The following OR1J1 variants were observed in gnomAD, a reference collection of about 807,000 sequenced individuals.
The protein encoded by OR1J1 is olfactory receptor 1J1.
For missense variants in OR1J1, 392 were observed against 393.9 expected (o/e 1.00, Z 0.04); for synonymous variants, 165 against 157.2 (o/e 1.05, Z -0.37).
rs1376586458 is a variant in OR1J1, at chr9:122,477,912, G to T, written c.15C>A (p.Asn5Lys). ...GGAGGAACTCGGACACGCTGCTCTG[G>T]TTCTCAGGGCTCATGTTTATATCAG... is the stretch of plus-strand genomic sequence containing the variant. MSPE[N>K]QSSVSEFLLL... The change falls in exon 1 of 1, where the codon AAC becomes AAA. Residue 5 changes from asparagine to lysine, a missense_variant. By Grantham distance (94) the Asn-to-Lys change is moderately conservative (BLOSUM62 0). Coordinates refer to ENST00000259357, the MANE Select transcript of OR1J1 (RefSeq NM_001004451.1). 3 of 1,600,250 alleles carry T rather than the reference G, an allele frequency of 1.9e-6. No individual in the cohort carries two copies. The highest frequency in any genetic ancestry group is 8.5e-7 in the Non-Finnish European group (1 of 1,171,470).
At position 122,477,233 on chromosome 9, in the gene OR1J1, TG is replaced by T. The variant is rs763137461; in HGVS notation, c.693del (p.Lys232ArgfsTer17). 21 of 1,613,792 alleles carry T rather than the reference TG, an allele frequency of 1.3e-5. No individual in the cohort carries two copies. The East Asian group carries it at 4.7e-4, about 36-fold the overall frequency. On this transcript the variant is annotated frameshift_variant, in exon 1 of 1. Transcript: ENST00000259357. LOFTEE classifies it low-confidence loss of function (END_TRUNC). ...GTGGACAAGGCTTTGCATATGCCCT[TG>T]GTAGAGGGAATCTGGAGGATGGTGA... ...IGVTILQIPS[T>X]KGICKALSTC...
chr9:122,477,304 A>G lies in OR1J1; in HGVS notation c.623T>C (p.Met208Thr). The G allele has an allele frequency of 6.2e-7, 1 of 1,614,232 alleles. No individual in the cohort carries two copies. Among genetic ancestry groups the G allele is most frequent in the Non-Finnish European group, 8.5e-7 (1 of 1,180,024 alleles). ...AACCAGGATGCACAGGAATGGAAGC[A>G]TAATGGCTGTCAATGCTGCTGTAAA... ...AIFTAALTAI[M>T]LPFLCILVSY... Residue 208 changes from methionine to threonine, a missense_variant, in exon 1 of 1, where the codon ATG becomes ACG. Met to Thr is a moderately conservative substitution (Grantham distance 81, BLOSUM62 -1). Coordinates refer to ENST00000259357, the MANE Select transcript of OR1J1 (RefSeq NM_001004451.1).
In OR1J1 at chr9:122,477,629, G is replaced by T. The variant is rs776392346; in HGVS notation, c.298C>A (p.Gln100Lys). Reference sequence around the variant, plus strand: ...GCAAAAAATATGAAAAAATATGTCTGTGAAATGCATCCCTTGTAAAAGACG... The same window carrying T: ...GCAAAAAATATGAAAAAATATGTCTTTGAAATGCATCCCTTGTAAAAGACG... Reference protein sequence around the residue: ...LAVFYKGCISQTYFFIFFADL... With the variant: ...LAVFYKGCISKTYFFIFFADL... Residue 100 changes from glutamine (Q) to lysine (K), a missense_variant, in exon 1 of 1, where the codon CAG becomes AAG. By Grantham distance (53) the Gln-to-Lys change is moderately conservative. Transcript: ENST00000259357. The T allele has an allele frequency of 1.9e-6, 3 of 1,614,110 alleles. No homozygotes were observed. Among genetic ancestry groups the T allele is most frequent in the Admixed American group, 1.7e-5 (1 of 60,012 alleles).
chr9:122,477,748 T>G lies in OR1J1; in HGVS notation c.179A>C (p.Tyr60Ser). 1 of 1,614,006 alleles carries G rather than the reference T, an allele frequency of 6.2e-7. No individual in the cohort carries two copies. Among genetic ancestry groups the G allele is most frequent in the Non-Finnish European group, 8.5e-7 (1 of 1,180,012 alleles). Residue 60 changes from tyrosine (Y) to serine (S), a missense_variant, in exon 1 of 1, where the codon TAC becomes TCC. Coordinates refer to ENST00000259357, the MANE Select transcript of OR1J1 (RefSeq NM_001004451.1). ...GAGGGCCAAGTGGCTAAGGAAGAAG[T>G]ACATGGGGGTGTGAAGGTGAGAGTC... ...QLDSHLHTPMYFFLSHLALTD... is the reference protein window; with the variant it reads ...QLDSHLHTPMSFFLSHLALTD...
rs1839582584 is a variant in OR1J1, at chr9:122,477,425, A to G, written c.502T>C (p.Phe168Leu). Residue 168 changes from phenylalanine to leucine, a missense_variant, in exon 1 of 1, where the codon TTC becomes CTC. Phe to Leu is a conservative substitution (Grantham distance 22). Coordinates refer to ENST00000259357, the MANE Select transcript of OR1J1 (RefSeq NM_001004451.1). Reference sequence around the variant, plus strand: ...TGAGGGATGATGTGGTCAGCACAGAAGGAAAGCTGGGCCAGGAGGAGGGTA... The same window carrying G: ...TGAGGGATGATGTGGTCAGCACAGAGGGAAAGCTGGGCCAGGAGGAGGGTA... ...LHTLLLAQLSFCADHIIPHYF... is the reference protein window; with the variant it reads ...LHTLLLAQLSLCADHIIPHYF... 1.4e-5 allele frequency: 22 copies of G among 1,614,066 alleles called. No homozygotes were observed. Among genetic ancestry groups the G allele is most frequent in the Non-Finnish European group, 1.9e-5 (22 of 1,179,978 alleles).
At position 122,477,608 on chromosome 9, in the gene OR1J1, A is replaced by G. The variant is rs137943647; in HGVS notation, c.319T>C (p.Phe107Leu). The change falls in exon 1 of 1, where the codon TTT becomes CTT. Residue 107 changes from phenylalanine (F) to leucine (L), a missense_variant. Coordinates refer to ENST00000259357, the MANE Select transcript of OR1J1 (RefSeq NM_001004451.1). ...ATAAGGAAACTGTCTAAGTCAGCAA[A>G]AAATATGAAAAAATATGTCTGTGAA... Reference protein sequence around the residue: ...CISQTYFFIFFADLDSFLITS... With the variant: ...CISQTYFFIFLADLDSFLITS... 60 of 1,614,134 alleles carry G rather than the reference A, an allele frequency of 3.7e-5. No homozygotes were observed. The highest frequency in any genetic ancestry group is 1.6e-4 in the Middle Eastern group (1 of 6,084).
In OR1J1 at chr9:122,477,243, A is replaced by C; in HGVS notation, c.684T>G (p.Ile228Met). 6.2e-7 allele frequency: 1 copy of C among 1,614,132 alleles called. No homozygotes were observed. The highest frequency in any genetic ancestry group is 8.5e-7 in the Non-Finnish European group (1 of 1,179,964). ...CTTTGCATATGCCCTTGGTAGAGGG[A>C]ATCTGGAGGATGGTGACCCCAATGT... is the stretch of plus-strand genomic sequence containing the variant. ...YGHIGVTILQ[I>M]PSTKGICKAL... The change falls in exon 1 of 1, where the codon ATT becomes ATG. Residue 228 changes from isoleucine (I) to methionine (M), a missense_variant. Physicochemically the swap from Ile to Met is conservative, Grantham distance 10 (BLOSUM62 1). Coordinates refer to ENST00000259357, the MANE Select transcript of OR1J1 (RefSeq NM_001004451.1).
In OR1J1 at chr9:122,477,906, G is replaced by T. The variant is rs781369287; in HGVS notation, c.21C>A (p.Ser7Arg). 8.1e-6 allele frequency: 13 copies of T among 1,603,390 alleles called. No individual in the cohort carries two copies. The highest frequency in any genetic ancestry group is 1.1e-5 in the South Asian group (1 of 90,008). The change falls in exon 1 of 1, where the codon AGC becomes AGA. Residue 7 changes from serine to arginine, a missense_variant. Coordinates refer to ENST00000259357, the MANE Select transcript of OR1J1 (RefSeq NM_001004451.1). ...CCAGGAGGAGGAACTCGGACACGCT[G>T]CTCTGGTTCTCAGGGCTCATGTTTA... The part of the protein sequence containing the change: MSPENQ[S>R]SVSEFLLLGL...
In OR1J1 at chr9:122,477,771, G is replaced by A. The variant is rs1178117380; in HGVS notation, c.156C>T (p.Asp52=). Residue 52 remains aspartate, a synonymous_variant, in exon 1 of 1, where the codon GAC becomes GAT. Coordinates refer to ENST00000259357, the MANE Select transcript of OR1J1 (RefSeq NM_001004451.1). The part of the protein sequence containing the change: ...NLLIMLLIQL[D]SHLHTPMYFF... ...AGTACATGGGGGTGTGAAGGTGAGAGTCTAGCTGGATGAGCAGCATGATGA... is the reference window on the plus strand; with the variant it reads ...AGTACATGGGGGTGTGAAGGTGAGAATCTAGCTGGATGAGCAGCATGATGA... 12 of 1,613,976 alleles carry A rather than the reference G, an allele frequency of 7.4e-6. No homozygotes were observed. The highest frequency in any genetic ancestry group is 1.0e-5 in the Non-Finnish European group (12 of 1,180,046).
In OR1J1 at chr9:122,477,850, A is replaced by C. The variant is rs1484992048; in HGVS notation, c.77T>G (p.Val26Gly). Residue 26 changes from valine to glycine, a missense_variant, in exon 1 of 1, where the codon GTG becomes GGG. By Grantham distance (109) the Val-to-Gly change is moderately radical (BLOSUM62 -3). Transcript: ENST00000259357. ...GLPIRPEQQA[V>G]FFALFLGMYL... ...CATGCCCAGGAACAGGGCGAAGAAC[A>C]CGGCCTGCTGCTCTGGCCGGATGGG... The C allele has an allele frequency of 3.1e-6, 5 of 1,613,946 alleles. No homozygotes were observed. In the African/African-American group the frequency reaches 6.7e-5, roughly 22 times the overall value.
chr9:122,477,088 G>A lies in OR1J1; in HGVS notation c.839C>T (p.Ala280Val), dbSNP rs370823912. The A allele has an allele frequency of 3.4e-5, 55 of 1,613,198 alleles. No homozygotes were observed. The highest frequency in any genetic ancestry group is 4.5e-5 in the Non-Finnish European group (53 of 1,179,240). The change falls in exon 1 of 1, where the codon GCA becomes GTA. Residue 280 changes from alanine to valine, a missense_variant. Physicochemically the swap from Ala to Val is moderately conservative, Grantham distance 64 (BLOSUM62 0). Transcript: ENST00000259357. ...KNIIASVIYTAVTPMLNPFIY... is the reference protein window; with the variant it reads ...KNIIASVIYTVVTPMLNPFIY... ...GAATGGGTTCAACATGGGAGTGACTGCTGTGTATATCACTGAAGCAATTAT... is the reference window on the plus strand; with the variant it reads ...GAATGGGTTCAACATGGGAGTGACTACTGTGTATATCACTGAAGCAATTAT...
Position 122,477,591 on chromosome 9 carries a change from ACTGT to A in OR1J1, c.332_335del (p.Asp111ValfsTer25), listed in dbSNP as rs774406614. ...CATATGCCATTGAAGTGATAAGGAA[ACTGT>A]CTAAGTCAGCAAAAAATATGAAAAA... On this transcript the variant is annotated frameshift_variant, in exon 1 of 1. Coordinates refer to ENST00000259357, the MANE Select transcript of OR1J1 (RefSeq NM_001004451.1). LOFTEE classifies it low-confidence loss of function (END_TRUNC). 61 of 1,614,044 alleles carry A rather than the reference ACTGT, an allele frequency of 3.8e-5. No homozygotes were observed. Among genetic ancestry groups the A allele is most frequent in the African/African-American group, 5.3e-5 (4 of 74,924 alleles).
rs781618403 is a variant in OR1J1, at chr9:122,477,525, G to A, written c.402C>T (p.Thr134=). Residue 134 remains threonine (T), a synonymous_variant, in exon 1 of 1, where the codon ACC becomes ACT. Transcript: ENST00000259357. Reference sequence around the variant, plus strand: ...TGACACACTGGCTCTGAGTCATGATGGTGGCATAATGTAGAGGATGACAGA... The same window carrying A: ...TGACACACTGGCTCTGAGTCATGATAGTGGCATAATGTAGAGGATGACAGA... ...VAICHPLHYA[T]IMTQSQCVML... 3.7e-6 allele frequency: 6 copies of A among 1,613,986 alleles called. No homozygotes were observed. The highest frequency in any genetic ancestry group is 5.1e-6 in the Non-Finnish European group (6 of 1,180,022).
chr9:122,477,826 A>G lies in OR1J1; in HGVS notation c.101T>C (p.Met34Thr), dbSNP rs200472024. The G allele has an allele frequency of 1.5e-4, 246 of 1,614,072 alleles. No homozygotes were observed. The highest frequency in any genetic ancestry group is 2.0e-4 in the Non-Finnish European group (234 of 1,180,024). The change falls in exon 1 of 1, where the codon ATG becomes ACG. Residue 34 changes from methionine to threonine, a missense_variant. Transcript: ENST00000259357. ...GTTCCCCAGCACCGTGGTCAGGTAC[A>G]TGCCCAGGAACAGGGCGAAGAACAC... ...QAVFFALFLG[M>T]YLTTVLGNLL... is the part of the protein sequence containing the mutation.
Position 122,477,659 on chromosome 9 carries a change from G to C in OR1J1, c.268C>G (p.Leu90Val). Residue 90 changes from leucine to valine, a missense_variant, in exon 1 of 1, where the codon CTA becomes GTA. Leu to Val is a conservative substitution (Grantham distance 32). Coordinates refer to ENST00000259357, the MANE Select transcript of OR1J1 (RefSeq NM_001004451.1). ...ATGCATCCCTTGTAAAAGACGGCTAGGTGCTGAGTCTGCATGTTCATCAGC... is the reference window on the plus strand; with the variant it reads ...ATGCATCCCTTGTAAAAGACGGCTACGTGCTGAGTCTGCATGTTCATCAGC... ...KMLMNMQTQH[L>V]AVFYKGCISQ... is the part of the protein sequence containing the mutation. 1 of 1,614,242 alleles carries C rather than the reference G, an allele frequency of 6.2e-7. No individual in the cohort carries two copies. Among genetic ancestry groups the C allele is most frequent in the Non-Finnish European group, 8.5e-7 (1 of 1,180,050 alleles).
chr9:122,477,802 T>A lies in OR1J1; in HGVS notation c.125A>T (p.Asn42Ile). The A allele has an allele frequency of 1.2e-6, 2 of 1,613,822 alleles. No individual in the cohort carries two copies. Among genetic ancestry groups the A allele is most frequent in the Non-Finnish European group, 1.7e-6 (2 of 1,179,996 alleles). The change falls in exon 1 of 1, where the codon AAC (asparagine) becomes ATC (isoleucine). Residue 42 changes from asparagine (N) to isoleucine (I), a missense_variant. Coordinates refer to ENST00000259357, the MANE Select transcript of OR1J1 (RefSeq NM_001004451.1). ...CTGGATGAGCAGCATGATGAGCAGG[T>A]TCCCCAGCACCGTGGTCAGGTACAT... ...LGMYLTTVLG[N>I]LLIMLLIQLD...
In OR1J1 at chr9:122,477,234, G is replaced by A. The variant is rs1564173500; in HGVS notation, c.693C>T (p.Thr231=). ...IGVTILQIPS[T]KGICKALSTC... ...TGGACAAGGCTTTGCATATGCCCTTGGTAGAGGGAATCTGGAGGATGGTGA... is the reference window on the plus strand; with the variant it reads ...TGGACAAGGCTTTGCATATGCCCTTAGTAGAGGGAATCTGGAGGATGGTGA... The change falls in exon 1 of 1, where the codon ACC becomes ACT. Residue 231 remains threonine (T), a synonymous_variant. Coordinates refer to ENST00000259357, the MANE Select transcript of OR1J1 (RefSeq NM_001004451.1). 1 of 1,613,870 alleles carries A rather than the reference G, an allele frequency of 6.2e-7. No individual in the cohort carries two copies. Among genetic ancestry groups the A allele is most frequent in the Non-Finnish European group, 8.5e-7 (1 of 1,179,798 alleles).
In OR1J1 at chr9:122,477,013, A is replaced by G. The variant is rs749268021; in HGVS notation, c.914T>C (p.Leu305Ser). ...KDIKGALRKL[L>S]SRSGAVAHAC... ...ATGAGCCACTGCGCCTGACCTACTC[A>G]AGAGTTTTCTTAGGGCTCCCTTAAT... The change falls in exon 1 of 1, where the codon TTG (leucine) becomes TCG (serine). Residue 305 changes from leucine to serine, a missense_variant. By Grantham distance (145) the Leu-to-Ser change is moderately radical. Coordinates refer to ENST00000259357, the MANE Select transcript of OR1J1 (RefSeq NM_001004451.1). The G allele has an allele frequency of 3.5e-5, 57 of 1,612,354 alleles. No individual in the cohort carries two copies. In the South Asian group the frequency reaches 5.3e-4, roughly 15 times the overall value.
chr9:122,477,447 G>A lies in OR1J1; in HGVS notation c.480C>T (p.Thr160=). ...VIACACALLH[T]LLLAQLSFCA... is the part of the protein sequence containing the mutation. ...AGAAGGAAAGCTGGGCCAGGAGGAG[G>A]GTATGCAAAAGAGCACACGCACAAG... The change falls in exon 1 of 1, where the codon ACC becomes ACT. Residue 160 remains threonine, a synonymous_variant. Transcript: ENST00000259357. 6.2e-7 allele frequency: 1 copy of A among 1,613,990 alleles called. No individual in the cohort carries two copies. The highest frequency in any genetic ancestry group is 1.1e-5 in the South Asian group (1 of 91,068).
Sources: gnomAD v4.1 joint callset for allele counts on GRCh38, gnomAD v4.1.1 for gene constraint, MANE v1.5 for transcripts, NCBI Gene and HGNC (gene_info 2026-07-23, HGNC 2026-07-21) for gene names.